FHIT: variants seen among roughly 807,000 people sequenced by gnomAD.
FHIT encodes the protein bis(5'-adenosyl)-triphosphatase.
FHIT carries 19 observed loss-of-function variants against 17.9 expected under a neutral mutation model. The observed-to-expected ratio is 1.06, with a 90% CI of 0.74 to 1.56. The LOEUF (loss-of-function observed/expected upper bound fraction) is 1.56, where lower values mean the gene tolerates loss of function less well. Among genes scored for constraint, FHIT ranks in the 40% most tolerant of loss-of-function variants. The pLI is 0.00. For synonymous variants in FHIT, 81 were observed against 69.7 expected, an observed-to-expected ratio of 1.16 and a Z score of -0.81; for missense variants, 248 against 189.2, an observed-to-expected ratio of 1.31 and a Z score of -1.82.
At chr3:60,608,389 A>G (rs1251540197) in intron 4 of FHIT, among the ~76,000 whole-genome samples, 1 of 152,118 alleles carries the variant, frequency 6.6e-6, no homozygotes, top group Non-Finnish European at 1.5e-5. Context: ...CTCAGATGAT[A>G]TATGACACTC....
chr3:60,055,065 A>G (rs1702027973), intron 5 of FHIT, among the ~76,000 whole-genome samples: 1 of 152,128 alleles, frequency 6.6e-6, no homozygotes, highest in South Asian at 2.1e-4. Context: ...TTTTCACAGA[A>G]CTAAAAAGAA....
At chr3:60,568,635 T>G (rs1403082174) in intron 4 of FHIT, among the ~76,000 whole-genome samples, 1 of 151,738 alleles carries the variant, frequency 6.6e-6, no homozygotes, top group Non-Finnish European at 1.5e-5. Context: ...AAAAGAAAAC[T>G]TCTAGACTTC....
intron 3 of FHIT, among the ~76,000 whole-genome samples, chr3:60,949,583 T>G (rs1708790691): frequency 6.6e-6 from 1 of 152,186 alleles, no homozygotes; most frequent in Non-Finnish European, 1.5e-5. Flanking sequence ...ACTTCCCTCC[T>G]CCCTATCCTG....
intron 4 of FHIT, among the ~76,000 whole-genome samples, chr3:60,705,408 C>T (rs2041348846): frequency 6.6e-6 from 1 of 152,074 alleles, no homozygotes; most frequent in South Asian, 2.1e-4. Flanking sequence ...AGGCTTGTCA[C>T]CCCAAGTTGC....
chr3:60,600,941 GCA>G (rs1392083664), intron 4 of FHIT, among the ~76,000 whole-genome samples: 1 of 152,152 alleles, frequency 6.6e-6, no homozygotes, highest in African/African-American at 2.4e-5. Flanking sequence ...TGGAGGCAGA[GCA>G]CAGACTGGAA....
intron 4 of FHIT, among the ~76,000 whole-genome samples, chr3:60,616,374 T>A (rs567852833): frequency 1.3e-5 from 2 of 152,324 alleles, no homozygotes; most frequent in Admixed American, 6.5e-5. Flanking sequence ...ATTTTAATGA[T>A]TATGATGTGC....
At chr3:60,563,816 G>C (rs994319508) in intron 4 of FHIT, among the ~76,000 whole-genome samples, 1 of 152,208 alleles carries the variant, frequency 6.6e-6, no homozygotes, top group African/African-American at 2.4e-5. Flanking sequence ...GAGGTTCAAG[G>C]AAAGAAGCCA....
intron 5 of FHIT, among the ~76,000 whole-genome samples, chr3:60,022,036 T>C (rs746088105): frequency 2.6e-5 from 4 of 152,242 alleles, no homozygotes; most frequent in Non-Finnish European, 5.9e-5. Context: ...TATGCAGCAC[T>C]GCTCAAATTT....
chr3:59,790,460 T>G (rs998690558), intron 8 of FHIT, among the ~76,000 whole-genome samples: 1 of 152,076 alleles, frequency 6.6e-6, no homozygotes, highest in African/African-American at 2.4e-5. Flanking sequence ...CTTCCCTAAC[T>G]TTTACTTTCT....
At chr3:59,958,522 T>C (rs1220528558) in intron 7 of FHIT, among the ~76,000 whole-genome samples, 1 of 152,190 alleles carries the variant, frequency 6.6e-6, no homozygotes, top group Non-Finnish European at 1.5e-5. Flanking sequence ...TATAATTAGG[T>C]ATCTCACATG....
rs79780567 is a variant in FHIT at position 60,531,339 on chromosome 3, T to C, written c.103+5521A>G. Among the ~76,000 whole-genome samples the C allele has an allele frequency of 1.8e-3, 259 of 141,880 alleles. 7 individuals carry two copies. The East Asian group carries it at 0.043, about 24-fold the overall frequency. 93.1% of individuals were successfully genotyped at this position (141,880 alleles called of 152,430 possible). Reference sequence around the variant, plus strand: ...TGTCGCCCAGGCTGGAGTGCAGTGGTGCGATCTAGGCTCACTGCAAGCTCC... The same window carrying C: ...TGTCGCCCAGGCTGGAGTGCAGTGGCGCGATCTAGGCTCACTGCAAGCTCC... On this transcript the variant is annotated intron_variant, in intron 5 of 9. Transcript: ENST00000492590.
intron 5 of FHIT, among the ~76,000 whole-genome samples, chr3:60,019,748 T>C (rs536567010): frequency 6.6e-6 from 1 of 152,102 alleles, no homozygotes; most frequent in Admixed American, 6.6e-5. Flanking sequence ...ACTACTCCAA[T>C]ACCTTCACTG....
chr3:59,883,857 G>T (rs1435217521), intron 8 of FHIT, among the ~76,000 whole-genome samples: 7 of 152,200 alleles, frequency 4.6e-5, no homozygotes, highest in Admixed American at 4.6e-4. Context: ...AAAGCATATT[G>T]TGTCAATAGC....
At chr3:60,416,050 T>C (rs1935624318) in intron 5 of FHIT, among the ~76,000 whole-genome samples, 1 of 151,506 alleles carries the variant, frequency 6.6e-6, no homozygotes, top group Non-Finnish European at 1.5e-5. Context: ...ATTAAATTAT[T>C]ACTTTTAAGA....
chr3:61,189,747 T>C lies in FHIT; in HGVS notation c.-164+10870A>G, dbSNP rs1225700758. Among the ~76,000 whole-genome samples, 5 of 151,940 alleles carry C rather than the reference T, an allele frequency of 3.3e-5. No individual in the cohort carries two copies. In the South Asian group the frequency reaches 1.1e-3, roughly 32 times the overall value. On this transcript the variant is annotated intron_variant, in intron 2 of 9. Transcript: ENST00000492590. ...GTACCAAAACAGAGACATAGATCAA[T>C]GGAACAGAACAGAGCCCTCAGAAAT...
At chr3:59,865,335 G>A (rs1481809448) in intron 8 of FHIT, among the ~76,000 whole-genome samples, 2 of 152,222 alleles carry the variant, frequency 1.3e-5, no homozygotes, top group African/African-American at 2.4e-5. Flanking sequence ...TTCTCCCCAT[G>A]AAGAATCATT....
intron 5 of FHIT, among the ~76,000 whole-genome samples, chr3:60,158,294 C>G (rs901197839): frequency 6.6e-6 from 1 of 151,794 alleles, no homozygotes; most frequent in African/African-American, 2.4e-5. Context: ...TAAAGTAAGA[C>G]AAAACAAGAC....
chr3:60,440,139 C>T (rs761061927), intron 5 of FHIT, among the ~76,000 whole-genome samples: 1 of 152,076 alleles, frequency 6.6e-6, no homozygotes, highest in Non-Finnish European at 1.5e-5. Context: ...TCTTAAATCA[C>T]TGAATGGTTC....
chr3:60,982,528 C>T (rs759981309), intron 3 of FHIT, among the ~76,000 whole-genome samples: 8 of 152,296 alleles, frequency 5.3e-5, no homozygotes, highest in African/African-American at 1.7e-4. Flanking sequence ...TCTTCGAACA[C>T]ATCTTTTCCA....
Sources: allele counts gnomAD v4.1 joint callset (sites outside exome capture counted in the v4.1 genomes callset), GRCh38; gene constraint gnomAD v4.1.1; transcripts MANE v1.5; gene names NCBI Gene and HGNC (gene_info 2026-07-23, HGNC 2026-07-21).